NFASC: variants seen among roughly 807,000 people sequenced by gnomAD.
NFASC encodes the protein neurofascin homolog.
NFASC carries 43 observed loss-of-function variants against 147.5 expected under a neutral mutation model. That is an observed-to-expected ratio of 0.29 (90% CI 0.23 to 0.38). The LOEUF is 0.38. Ranked by LOEUF, NFASC falls within the 10% of genes least tolerant of loss-of-function variation. The pLI is 1.00. For missense variants in NFASC, 1,320 were observed against 1,689.0 expected (o/e 0.78, Z 3.83); for synonymous variants, 622 against 665.5 (o/e 0.93, Z 1.01).
chr1:204,887,817 C>T (rs1440939892), intron 1 of NFASC, among the ~76,000 whole-genome samples: 1 of 152,058 alleles, frequency 6.6e-6, no homozygotes, highest in Non-Finnish European at 1.5e-5. Context: ...AGGCTGGTCT[C>T]AAACTCCTGG....
At chr1:204,976,203 C>A (rs561563760) in intron 15 of NFASC, among the ~76,000 whole-genome samples, 3 of 147,836 alleles carry the variant, frequency 2.0e-5, no homozygotes, top group Non-Finnish European at 4.6e-5. Flanking sequence ...TCTGTGGCCT[C>A]CCCTCTCTAT....
rs576897304 is a variant in NFASC, at chr1:204,854,133, A to G, written c.-200+25351A>G. 4.5e-3 allele frequency among the ~76,000 whole-genome samples: 679 copies of G among 150,398 alleles called. 7 individuals are homozygous for G. The highest frequency in any genetic ancestry group is 0.016 in the African/African-American group (657 of 40,766). ...CCTGACCTATTCATAGACTCTCAGCAAGAGCCAAAACTCTTGGCCAGTTAT... is the reference window on the plus strand; with the variant it reads ...CCTGACCTATTCATAGACTCTCAGCGAGAGCCAAAACTCTTGGCCAGTTAT... On this transcript the variant is annotated intron_variant, in intron 1 of 29. Transcript: ENST00000339876.
chr1:204,916,294 G>C (rs995251673), intron 1 of NFASC, among the ~76,000 whole-genome samples: 1 of 152,180 alleles, frequency 6.6e-6, no homozygotes, highest in Non-Finnish European at 1.5e-5. Context: ...CTGAGTCAGA[G>C]GGACAGTCTA....
rs145416595 is a variant in NFASC at position 204,895,730 on chromosome 1, G to A, written c.-199-24902G>A. 7.8e-4 allele frequency among the ~76,000 whole-genome samples: 118 copies of A among 152,176 alleles called. 1 individual carries two copies. Among genetic ancestry groups the A allele is most frequent in the South Asian group, 5.0e-3 (24 of 4,820 alleles). ...ATATTGTAACCTTGAGGCATTATTT[G>A]AATACCACATTGTTACTTTTCAGTG... On this transcript the variant is annotated intron_variant, in intron 1 of 29. Transcript: ENST00000339876.
chr1:204,836,745 G>A (rs1395016578), intron 1 of NFASC, among the ~76,000 whole-genome samples: 2 of 152,262 alleles, frequency 1.3e-5, no homozygotes, highest in Non-Finnish European at 2.9e-5. Flanking sequence ...CTATGCTGAC[G>A]TAGGTCAGGG....
At chr1:204,939,022 C>T (rs2093121620) in intron 2 of NFASC, among the ~76,000 whole-genome samples, 1 of 131,950 alleles carries the variant, frequency 7.6e-6, no homozygotes, top group Admixed American at 7.7e-5. Context: ...ATTCTCTTTT[C>T]TTCCTGTATG....
rs759820114 is a variant in NFASC at position 204,979,378 on chromosome 1, TGAA to T, written c.2001_2003del (p.Glu667del). ...CCCACTCAGACTACGTCGTCCAGTT[TGAA>T]GAAGACCAGTTCCAACCTGGGGTCT... On this transcript the variant is annotated inframe_deletion, in exon 19 of 30. Coordinates refer to ENST00000339876, the MANE Select transcript of NFASC (RefSeq NM_001005388.3). This position sits in a 1 kb window ranked among gnomAD's most constrained non-coding sequence, Gnocchi z 6.0. 5 of 1,614,188 alleles carry T rather than the reference TGAA, an allele frequency of 3.1e-6. No individual in the cohort carries two copies. The highest frequency in any genetic ancestry group is 2.2e-5 in the East Asian group (1 of 44,896).
intron 1 of NFASC, among the ~76,000 whole-genome samples, chr1:204,843,040 T>C (rs1353320283): frequency 2.0e-5 from 3 of 152,230 alleles, no homozygotes; most frequent in Non-Finnish European, 4.4e-5. Flanking sequence ...GAAAATCCTC[T>C]CTGAACACAT....
intron 3 of NFASC, among the ~76,000 whole-genome samples, chr1:204,949,630 T>A (rs2149907584): frequency 6.6e-6 from 1 of 152,358 alleles, no homozygotes; most frequent in South Asian, 2.1e-4. Flanking sequence ...AACCTTCCTA[T>A]GCAGAGTGTG....
chr1:205,011,479 C>T (rs1269245421), intron 28 of NFASC, among the ~76,000 whole-genome samples: 1 of 152,192 alleles, frequency 6.6e-6, no homozygotes, highest in African/African-American at 2.4e-5. Context: ...GGACTGAGTT[C>T]ACGCCCATTC....
chr1:204,977,540 T>C (rs6663231), intron 16 of NFASC, 141 bp from the exon 17 acceptor site: 50,701 of 636,814 alleles, frequency 0.08, 2,714 homozygotes, highest in African/African-American at 0.21. Context: ...GGATTCCCCA[T>C]GGAAGGACGG....
intron 11 of NFASC, among the ~76,000 whole-genome samples, chr1:204,972,437 C>T (rs2095288565): frequency 6.6e-6 from 1 of 152,044 alleles, no homozygotes; most frequent in Non-Finnish European, 1.5e-5. Flanking sequence ...GTGATTCTTC[C>T]CCATCTTACA....
intron 1 of NFASC, among the ~76,000 whole-genome samples, chr1:204,906,143 C>T (rs1050683797): frequency 1.3e-5 from 2 of 152,036 alleles, no homozygotes; most frequent in African/African-American, 2.4e-5. Context: ...TGAGGTGTAT[C>T]TTCATTGTTT....
chr1:204,876,612 C>T lies in NFASC; in HGVS notation c.-199-44020C>T, dbSNP rs555646181. 5.3e-5 allele frequency among the ~76,000 whole-genome samples: 8 copies of T among 152,262 alleles called. No individual in the cohort carries two copies. The South Asian group carries it at 1.7e-3, about 32-fold the overall frequency. Reference sequence around the variant, plus strand: ...TTAAACACTACCTCCTCATTCTCCCCTCCTTCCAGCCCCTGGCAACCGCCA... The same window carrying T: ...TTAAACACTACCTCCTCATTCTCCCTTCCTTCCAGCCCCTGGCAACCGCCA... On this transcript the variant is annotated intron_variant, in intron 1 of 29. Transcript: ENST00000339876.
intron 2 of NFASC, among the ~76,000 whole-genome samples, chr1:204,932,952 G>A (rs547102435): frequency 5.9e-4 from 90 of 152,092 alleles, no homozygotes; most frequent in Non-Finnish European, 1.1e-3. Flanking sequence ...CCAGGCACAG[G>A]GGATCACATG....
intron 1 of NFASC, among the ~76,000 whole-genome samples, chr1:204,853,006 T>C (rs896491184): frequency 1.3e-5 from 2 of 152,160 alleles, no homozygotes; most frequent in Admixed American, 6.5e-5. Flanking sequence ...GCCTTGTCAA[T>C]AGACAGTGTT....
In NFASC at chr1:205,015,101, C is replaced by G. The variant is rs1259412464; in HGVS notation, c.3492-1207C>G. 6.6e-6 allele frequency among the ~76,000 whole-genome samples: 1 copy of G among 152,198 alleles called. No homozygotes were observed. The highest frequency in any genetic ancestry group is 1.5e-5 in the Non-Finnish European group (1 of 68,044). Reference sequence around the variant, plus strand: ...CCCGGCTCTGGCTCGCTGCCCTCACCTGACAGCTGTCTTTGCCCGACACTG... The same window carrying G: ...CCCGGCTCTGGCTCGCTGCCCTCACGTGACAGCTGTCTTTGCCCGACACTG... On this transcript the variant is annotated intron_variant, in intron 29 of 29. Transcript: ENST00000339876. This position sits in a 1 kb window ranked among gnomAD's most constrained non-coding sequence, Gnocchi z 4.0.
At chr1:204,997,927 C>G (rs977730087) in intron 25 of NFASC, 1 of 163,388 alleles carries the variant, frequency 6.1e-6, no homozygotes, top group African/African-American at 2.4e-5. Context: ...TTCCCAGAAC[C>G]CCTGTCCCTT....
At chr1:204,830,825 C>A (rs1047097158) in intron 1 of NFASC, among the ~76,000 whole-genome samples, 1 of 152,200 alleles carries the variant, frequency 6.6e-6, no homozygotes. Flanking sequence ...GAGCGAATTG[C>A]AGACAGACTC....
Sources: allele counts gnomAD v4.1 joint callset (sites outside exome capture counted in the v4.1 genomes callset), GRCh38; gene constraint gnomAD v4.1.1; non-coding constraint Gnocchi (gnomAD v3.1); transcripts MANE v1.5; gene names NCBI Gene and HGNC (gene_info 2026-07-23, HGNC 2026-07-21).